Variants in TXNDC15 observed in about 807,000 individuals in gnomAD.
TXNDC15 encodes thioredoxin domain-containing protein 15.
In TXNDC15, 24 loss-of-function variants were observed where a neutral mutation model predicts 35.0. The ratio of observed to expected loss-of-function variants is 0.68; its 90% CI spans 0.50 to 0.96. The LOEUF (loss-of-function observed/expected upper bound fraction) is 0.96. Ranked by LOEUF, TXNDC15 falls within the 40% of genes least tolerant of loss-of-function variation. The pLI, the probability that TXNDC15 is intolerant of heterozygous loss-of-function variation, is 0.00. For synonymous variants in TXNDC15, 169 were observed against 174.0 expected (o/e 0.97, Z 0.23); for missense variants, 385 against 453.3 (o/e 0.85, Z 1.37).
chr5:134,891,152 T>G (rs1750381864), intron 2 of TXNDC15, among the ~76,000 whole-genome samples: 1 of 152,220 alleles, frequency 6.6e-6, no homozygotes, highest in Non-Finnish European at 1.5e-5. Flanking sequence ...CTATTAATGT[T>G]GATATTTTGA....
intron 1 of TXNDC15, among the ~76,000 whole-genome samples, chr5:134,884,688 T>C (rs901060307): frequency 6.6e-6 from 1 of 152,160 alleles, no homozygotes. Context: ...TAATATCTTA[T>C]ATCTTGATAT....
In TXNDC15 at chr5:134,889,590, A is replaced by G. The variant is rs140847406; in HGVS notation, c.591+1408A>G. Among the ~76,000 whole-genome samples the G allele has an allele frequency of 4.6e-5, 7 of 152,276 alleles. No individual in the cohort carries two copies. The East Asian group carries it at 1.4e-3, about 29-fold the overall frequency. ...ATATCGATATGACTGCTTAGTTCAG[A>G]CTTAGCTCTGCTGAGATGATAGTTT... On this transcript the variant is annotated intron_variant, in intron 2 of 4. Coordinates refer to ENST00000358387, the MANE Select transcript of TXNDC15 (RefSeq NM_024715.4).
intron 3 of TXNDC15, among the ~76,000 whole-genome samples, chr5:134,894,338 G>A (rs915792644): frequency 2.0e-5 from 3 of 151,226 alleles, no homozygotes; most frequent in Non-Finnish European, 4.4e-5. Flanking sequence ...ACAGGCATGC[G>A]CCACCATGCC....
intron 1 of TXNDC15, among the ~76,000 whole-genome samples, chr5:134,877,662 C>T (rs1750059089): frequency 6.6e-6 from 1 of 151,952 alleles, no homozygotes; most frequent in African/African-American, 2.4e-5. Flanking sequence ...GGCTGGAGTG[C>T]AGTGGCACCA....
chr5:134,885,297 G>A (rs1750254526), intron 1 of TXNDC15, among the ~76,000 whole-genome samples: 1 of 152,174 alleles, frequency 6.6e-6, no homozygotes, highest in Non-Finnish European at 1.5e-5. Context: ...TTCAGGTTTT[G>A]CTTTTAAGCA....
At chr5:134,892,669 A>G (rs1449668899) in intron 2 of TXNDC15, 7 of 152,142 alleles carry the variant, frequency 4.6e-5, no homozygotes, top group East Asian at 1.9e-4. Context: ...AGTTTAATCA[A>G]TCATTTTTGG....
At chr5:134,898,296 A>G (rs1240623647) in intron 4 of TXNDC15, among the ~76,000 whole-genome samples, 1 of 152,118 alleles carries the variant, frequency 6.6e-6, no homozygotes, top group African/African-American at 2.4e-5. Context: ...ATCCATTTGT[A>G]GATGCTATCT....
chr5:134,888,587 G>T (rs1341451306), intron 2 of TXNDC15, among the ~76,000 whole-genome samples: 1 of 152,144 alleles, frequency 6.6e-6, no homozygotes, highest in Non-Finnish European at 1.5e-5. Flanking sequence ...GAGTTCAAAT[G>T]ATTTTCCTGC....
upstream of TXNDC15, chr5:134,874,358 TC>T: frequency 1.5e-6 from 2 of 1,359,612 alleles, no homozygotes; most frequent in Admixed American, 2.5e-5. Flanking sequence ...CAGGCTCTCC[TC>T]CCCCAGCCTT....
At chr5:134,899,408 G>C (rs1750556106) in intron 4 of TXNDC15, 81 bp from the exon 5 acceptor site, 1 of 1,202,060 alleles carries the variant, frequency 8.3e-7, no homozygotes, top group Admixed American at 2.2e-5. Context: ...ATGTCATTTT[G>C]CATACCATAC....
intron 1 of TXNDC15, among the ~76,000 whole-genome samples, chr5:134,886,234 T>C (rs1224750424): frequency 6.6e-6 from 1 of 152,262 alleles, no homozygotes; most frequent in African/African-American, 2.4e-5. Context: ...TGAAATCTTA[T>C]ACAAATGTGC....
At chr5:134,884,971 G>A (rs187628835) in intron 1 of TXNDC15, among the ~76,000 whole-genome samples, 4 of 150,868 alleles carry the variant, frequency 2.7e-5, no homozygotes, top group African/African-American at 4.9e-5. Flanking sequence ...TGCCCAGGCT[G>A]GAGTGCAGTG....
chr5:134,877,403 A>G (rs748544543), intron 1 of TXNDC15, among the ~76,000 whole-genome samples: 2 of 152,116 alleles, frequency 1.3e-5, no homozygotes, highest in Non-Finnish European at 2.9e-5. Flanking sequence ...GGGGAGTGAC[A>G]TGATCAGATA....
intron 3 of TXNDC15, among the ~76,000 whole-genome samples, chr5:134,895,399 C>A (rs1275672307): frequency 6.6e-6 from 1 of 152,204 alleles, no homozygotes; most frequent in East Asian, 1.9e-4. Context: ...TGCCCCCAGG[C>A]ATACTCAGTG....
intron 2 of TXNDC15, among the ~76,000 whole-genome samples, chr5:134,891,858 T>C (rs952902571): frequency 6.6e-6 from 1 of 152,088 alleles, no homozygotes; most frequent in African/African-American, 2.4e-5. Context: ...GAGGCTGCCA[T>C]GAGCCATGAT....
Position 134,899,822 on chromosome 5 carries a change from C to G in TXNDC15, c.*137C>G, listed in dbSNP as rs951631340. On this transcript the variant is annotated 3_prime_UTR_variant, in exon 5 of 5. Transcript: ENST00000358387. ...ATTAAAAGAATCATTTGTTGAACAA[C>G]TGAATGTATAAAAAAATTATAAACT... The G allele has an allele frequency of 4.3e-6, 3 of 695,770 alleles. No homozygotes were observed. Among genetic ancestry groups the G allele is most frequent in the Non-Finnish European group, 6.7e-6 (3 of 445,104 alleles). The allele number at this position is 695,770 out of a possible 1,614,324, so 43.1% of individuals were successfully genotyped here.
In TXNDC15 at chr5:134,887,883, C is replaced by A; in HGVS notation, c.292C>A (p.Pro98Thr). ...GDHMVMLSVI[P>T]GEAEDKVSSE... ...TCACATGGTGATGCTGTCTGTGATTCCTGGGGAAGCTGAGGACAAAGTGAG... is the reference window on the plus strand; with the variant it reads ...TCACATGGTGATGCTGTCTGTGATTACTGGGGAAGCTGAGGACAAAGTGAG... The change falls in exon 2 of 5, where the codon CCT (proline) becomes ACT (threonine). Residue 98 changes from proline (P) to threonine (T), a missense_variant. Coordinates refer to ENST00000358387, the MANE Select transcript of TXNDC15 (RefSeq NM_024715.4). 1 of 1,614,216 alleles carries A rather than the reference C, an allele frequency of 6.2e-7. No homozygotes were observed. The highest frequency in any genetic ancestry group is 8.5e-7 in the Non-Finnish European group (1 of 1,180,044).
chr5:134,895,010 TA>T (rs529866072), intron 3 of TXNDC15, among the ~76,000 whole-genome samples: 3 of 150,290 alleles, frequency 2.0e-5, no homozygotes, highest in South Asian at 2.1e-4. Context: ...TCCATCTCTA[TA>T]AAAAAAAATA....
intron 1 of TXNDC15, among the ~76,000 whole-genome samples, chr5:134,881,538 A>G (rs1489109343): frequency 1.9e-5 from 2 of 105,184 alleles, no homozygotes; most frequent in Non-Finnish European, 3.8e-5. Flanking sequence ...CCAAGGCAGA[A>G]GAATTTTTCT....
Sources: allele counts gnomAD v4.1 joint callset (sites outside exome capture counted in the v4.1 genomes callset), GRCh38; gene constraint gnomAD v4.1.1; transcripts MANE v1.5; gene names NCBI Gene and HGNC (gene_info 2026-07-23, HGNC 2026-07-21).